CLIC4: variants seen among roughly 807,000 people sequenced by gnomAD.
CLIC4 encodes CLIC family member 4, also known as chloride intracellular channel protein 4.
CLIC4 carries 13 observed loss-of-function variants against 24.6 expected under a neutral mutation model. The ratio of observed to expected loss-of-function variants is 0.53; its 90% CI spans 0.34 to 0.84. The LOEUF (loss-of-function observed/expected upper bound fraction) is 0.84, where lower values mean the gene tolerates loss of function less well. CLIC4 is among the 40% of genes least tolerant of loss of function. CLIC4 has a pLI of 0.01. For synonymous variants in CLIC4, 104 were observed against 111.3 expected (o/e 0.93, Z 0.41); for missense variants, 227 against 301.7 (o/e 0.75, Z 1.83).
chr1:24,826,686 A>G (rs536059375), intron 3 of CLIC4, among the ~76,000 whole-genome samples: 20 of 152,338 alleles, frequency 1.3e-4, no homozygotes, highest in East Asian at 3.9e-4. Flanking sequence ...TGCTCTAGCA[A>G]TCTCATTCCA....
intron 1 of CLIC4, among the ~76,000 whole-genome samples, chr1:24,774,093 C>T (rs1639103350): frequency 6.6e-6 from 1 of 152,116 alleles, no homozygotes; most frequent in Non-Finnish European, 1.5e-5. Flanking sequence ...CTGCCTCAGC[C>T]TCCCGAGTAG....
At chr1:24,747,571 G>GGGT (rs1557791732) in intron 1 of CLIC4, among the ~76,000 whole-genome samples, 2 of 150,496 alleles carry the variant, frequency 1.3e-5, no homozygotes, top group Non-Finnish European at 3.0e-5. Flanking sequence ...GAAGGGTGGT[G>GGGT]GGTGGAAAAC....
At chr1:24,836,400 G>A (rs1393491179) in intron 4 of CLIC4, among the ~76,000 whole-genome samples, 3 of 152,218 alleles carry the variant, frequency 2.0e-5, no homozygotes, top group Middle Eastern at 3.4e-3. Context: ...CTGTACTTCA[G>A]AATATACTTT....
rs1035419770 is a variant in CLIC4 at position 24,812,812 on chromosome 1, G to T, written c.183-1282G>T. On this transcript the variant is annotated intron_variant, in intron 2 of 5. Transcript: ENST00000374379. Reference sequence around the variant, plus strand: ...TGGCTCACTGTAACCTCCGCCTCCCGGGTTCAAGTGGTTCTCCTTCCTCAG... The same window carrying T: ...TGGCTCACTGTAACCTCCGCCTCCCTGGTTCAAGTGGTTCTCCTTCCTCAG... Among the ~76,000 whole-genome samples the T allele has an allele frequency of 2.0e-5, 3 of 151,798 alleles. No individual in the cohort carries two copies. The East Asian group carries it at 5.8e-4, about 29-fold the overall frequency.
At chr1:24,817,963 G>T (rs1462336688) in intron 3 of CLIC4, among the ~76,000 whole-genome samples, 1 of 152,176 alleles carries the variant, frequency 6.6e-6, no homozygotes, top group African/African-American at 2.4e-5. Flanking sequence ...TCAGTTAAGT[G>T]TGCTGTCTTA....
At chr1:24,746,210 G>A (rs1458510318) in intron 1 of CLIC4, among the ~76,000 whole-genome samples, 2 of 152,222 alleles carry the variant, frequency 1.3e-5, no homozygotes, top group African/African-American at 4.8e-5. Context: ...AAAAGACCGA[G>A]ATTCCCAACT....
intron 1 of CLIC4, among the ~76,000 whole-genome samples, chr1:24,783,466 C>T (rs1045019191): frequency 2.0e-5 from 3 of 152,090 alleles, no homozygotes; most frequent in Non-Finnish European, 4.4e-5. Flanking sequence ...CTTGGGGAGA[C>T]TGAGGCAGAT....
At chr1:24,758,420 C>G (rs556602577) in intron 1 of CLIC4, among the ~76,000 whole-genome samples, 4 of 151,770 alleles carry the variant, frequency 2.6e-5, no homozygotes, top group African/African-American at 9.7e-5. Context: ...CTCAGCCTCC[C>G]AAGTAGCTGG....
chr1:24,769,511 C>T (rs555525309), intron 1 of CLIC4, among the ~76,000 whole-genome samples: 6 of 152,260 alleles, frequency 3.9e-5, no homozygotes, highest in South Asian at 4.1e-4. Flanking sequence ...TTTGTACTAA[C>T]GTCTTTGGGA....
At chr1:24,786,451 G>A (rs1290704509) in intron 1 of CLIC4, among the ~76,000 whole-genome samples, 2 of 152,052 alleles carry the variant, frequency 1.3e-5, no homozygotes, top group Non-Finnish European at 2.9e-5. Context: ...AAGGGAAGAG[G>A]GTGAGGCTAG....
chr1:24,788,745 T>C (rs938743095), intron 1 of CLIC4, among the ~76,000 whole-genome samples: 7 of 152,230 alleles, frequency 4.6e-5, no homozygotes, highest in Admixed American at 2.0e-4. Context: ...ATATAGAATT[T>C]CCTGCTTTTT....
intron 1 of CLIC4, among the ~76,000 whole-genome samples, chr1:24,797,063 C>T (rs1026112343): frequency 6.6e-6 from 1 of 151,304 alleles, no homozygotes; most frequent in Non-Finnish European, 1.5e-5. Flanking sequence ...AAGTGATTCT[C>T]CTGCCTCAGC....
intron 1 of CLIC4, among the ~76,000 whole-genome samples, chr1:24,768,076 G>A (rs1639025596): frequency 1.3e-5 from 2 of 151,984 alleles, no homozygotes; most frequent in African/African-American, 2.4e-5. Flanking sequence ...CCTGACATGA[G>A]GTGATCCGCC....
rs138809036 is a variant in CLIC4, at chr1:24,825,866, T to C, written c.309-1144T>C. On this transcript the variant is annotated intron_variant, in intron 3 of 5. Transcript: ENST00000374379. ...AAGACAATGTCTTCAAATAAATGAG[T>C]TGAAATAATTAGTACACTGTAAGGT... is the stretch of plus-strand genomic sequence containing the variant. 1.2e-4 allele frequency among the ~76,000 whole-genome samples: 19 copies of C among 152,254 alleles called. No homozygotes were observed. The East Asian group carries it at 3.7e-3, about 29-fold the overall frequency.
intron 1 of CLIC4, among the ~76,000 whole-genome samples, chr1:24,762,370 G>A (rs1283903261): frequency 2.6e-5 from 4 of 152,178 alleles, no homozygotes; most frequent in Admixed American, 6.5e-5. Context: ...GCTACGGTGA[G>A]ATATGATCAT....
intron 4 of CLIC4, among the ~76,000 whole-genome samples, chr1:24,837,909 C>A (rs1460686716): frequency 6.6e-6 from 1 of 152,112 alleles, no homozygotes; most frequent in Non-Finnish European, 1.5e-5. Context: ...TTCTCTAGGC[C>A]CTCTGCTTCT....
intron 3 of CLIC4, among the ~76,000 whole-genome samples, chr1:24,816,460 C>CT (rs1639670173): frequency 6.6e-6 from 1 of 151,964 alleles, no homozygotes; most frequent in Non-Finnish European, 1.5e-5. Flanking sequence ...CCAGGCTGGT[C>CT]TTGAACTCCT....
intron 2 of CLIC4, among the ~76,000 whole-genome samples, chr1:24,801,258 G>T (rs972021749): frequency 6.6e-6 from 1 of 152,204 alleles, no homozygotes; most frequent in African/African-American, 2.4e-5. Flanking sequence ...AGGTTTAATT[G>T]ACTGGCAGTT....
intron 1 of CLIC4, among the ~76,000 whole-genome samples, chr1:24,778,297 C>T (rs1330381301): frequency 6.6e-6 from 1 of 152,184 alleles, no homozygotes; most frequent in Non-Finnish European, 1.5e-5. Context: ...TCATCTGAAA[C>T]TCATATGAAA....
Sources: gnomAD v4.1 joint callset for allele counts (sites outside exome capture counted in the v4.1 genomes callset) on GRCh38, gnomAD v4.1.1 for gene constraint, MANE v1.5 for transcripts, NCBI Gene and HGNC (gene_info 2026-07-23, HGNC 2026-07-21) for gene names.